SPOCK3: variants seen among roughly 807,000 people sequenced by gnomAD.
SPOCK3 encodes SPARC (osteonectin), cwcv and kazal like domains proteoglycan 3, also known as testican-3.
A neutral mutation model predicts 56.6 loss-of-function variants in SPOCK3; 30 were observed. That is an observed-to-expected ratio of 0.53 (90% CI 0.40 to 0.72). SPOCK3 has a LOEUF of 0.72. Among genes scored for constraint, SPOCK3 ranks in the 30% least tolerant of loss-of-function variants. SPOCK3 has a pLI of 0.00. For missense variants in SPOCK3, 527 were observed against 530.0 expected (o/e 0.99, Z 0.06); for synonymous variants, 196 against 183.3 (o/e 1.07, Z -0.56).
intron 2 of SPOCK3, among the ~76,000 whole-genome samples, chr4:167,109,228 A>C (rs1217144508): frequency 1.1e-5 from 1 of 87,666 alleles, no homozygotes; most frequent in East Asian, 3.5e-4. Context: ...ATAGTATATA[A>C]TATATATTTA....
At chr4:167,211,525 G>T (rs1289205194) in intron 2 of SPOCK3, among the ~76,000 whole-genome samples, 6 of 152,126 alleles carry the variant, frequency 3.9e-5, no homozygotes, top group African/African-American at 1.4e-4. Flanking sequence ...GACCCTCTAT[G>T]AGGTAATTGA....
chr4:166,766,490 T>G (rs2126539008), intron 7 of SPOCK3, among the ~76,000 whole-genome samples: 1 of 152,354 alleles, frequency 6.6e-6, no homozygotes, highest in Non-Finnish European at 1.5e-5. Context: ...TGGATTACAT[T>G]TAATGATTTG....
intron 2 of SPOCK3, among the ~76,000 whole-genome samples, chr4:167,113,084 GAGA>G (rs1761037607): frequency 6.6e-6 from 1 of 152,086 alleles, no homozygotes; most frequent in Non-Finnish European, 1.5e-5. Flanking sequence ...AACATGTCAA[GAGA>G]AGAAGTGCAA....
chr4:166,952,173 T>A (rs1347840254), intron 4 of SPOCK3, among the ~76,000 whole-genome samples: 1 of 152,138 alleles, frequency 6.6e-6, no homozygotes, highest in Non-Finnish European at 1.5e-5. Context: ...TGATTGTGTA[T>A]CTAGAAATCC....
intron 2 of SPOCK3, among the ~76,000 whole-genome samples, chr4:167,110,755 G>A (rs1760836373): frequency 6.6e-6 from 1 of 151,770 alleles, no homozygotes; most frequent in African/African-American, 2.4e-5. Context: ...CCAAATTCCA[G>A]GAAACTTTTA....
At chr4:167,140,786 C>T (rs1407145752) in intron 2 of SPOCK3, among the ~76,000 whole-genome samples, 2 of 151,930 alleles carry the variant, frequency 1.3e-5, no homozygotes, top group African/African-American at 4.8e-5. Flanking sequence ...GTTCTTTGGG[C>T]TTATTTATTT....
intron 2 of SPOCK3, among the ~76,000 whole-genome samples, chr4:167,197,159 T>C (rs2110893966): frequency 6.6e-6 from 1 of 152,284 alleles, no homozygotes; most frequent in South Asian, 2.1e-4. Flanking sequence ...CAACCTTGAA[T>C]TTCTAGCCTT....
chr4:166,853,945 A>G (rs1336308440), intron 6 of SPOCK3, among the ~76,000 whole-genome samples: 1 of 152,178 alleles, frequency 6.6e-6, no homozygotes, highest in Non-Finnish European at 1.5e-5. Flanking sequence ...TAACAAAATT[A>G]GCCAAAAACA....
intron 2 of SPOCK3, among the ~76,000 whole-genome samples, chr4:167,063,939 A>G (rs1002105426): frequency 3.3e-5 from 5 of 151,850 alleles, no homozygotes; most frequent in African/African-American, 9.7e-5. Context: ...TAATATATTT[A>G]CGGTTCTGAA....
At chr4:166,745,220 G>T (rs1735437808) in intron 8 of SPOCK3, among the ~76,000 whole-genome samples, 1 of 152,164 alleles carries the variant, frequency 6.6e-6, no homozygotes, top group East Asian at 1.9e-4. Context: ...AGGAAAAAAT[G>T]TTAAGGGCAG....
chr4:167,056,071 C>T (rs1754809211), intron 3 of SPOCK3, among the ~76,000 whole-genome samples: 1 of 152,162 alleles, frequency 6.6e-6, no homozygotes, highest in African/African-American at 2.4e-5. Context: ...GGCAGACTGA[C>T]ACCTCACATG....
chr4:166,764,636 G>C (rs1737730291), intron 7 of SPOCK3, among the ~76,000 whole-genome samples: 1 of 152,104 alleles, frequency 6.6e-6, no homozygotes, highest in Non-Finnish European at 1.5e-5. Context: ...TGTGAATAGT[G>C]CTGCAATAAA....
chr4:167,205,353 T>TATATTTTATAGATATA (rs1561321562), intron 2 of SPOCK3, among the ~76,000 whole-genome samples: 1 of 35,504 alleles, frequency 2.8e-5, no homozygotes, highest in African/African-American at 1.4e-4. Flanking sequence ...ATATATATAA[T>TATATTTTATAGATATA]ATATATATTA....
rs1733975933 is a variant in SPOCK3, at chr4:166,733,914, G to C, written c.*1007C>G. On this transcript the variant is annotated 3_prime_UTR_variant, in exon 11 of 11. Transcript: ENST00000357545. ...CGTAATATACTATATTGGTATGCAT[G>C]CTAAAATCTTTCTATCTCTATTTTT... 1 of 152,162 alleles carries C rather than the reference G, an allele frequency of 6.6e-6. No individual in the cohort carries two copies. Among genetic ancestry groups the C allele is most frequent in the Non-Finnish European group, 1.5e-5 (1 of 67,748 alleles). 9.4% of individuals were successfully genotyped at this position (152,162 alleles called of 1,614,324 possible). A position where few individuals can be genotyped will look rare whatever the true frequency, so the allele number is the denominator to read the frequency against.
At chr4:167,169,811 C>T (rs1448378852) in intron 2 of SPOCK3, among the ~76,000 whole-genome samples, 1 of 151,994 alleles carries the variant, frequency 6.6e-6, no homozygotes, top group Non-Finnish European at 1.5e-5. Context: ...CAAGGTGGAG[C>T]CAGGTGGCAA....
At chr4:166,809,286 G>C (rs774055736) in intron 6 of SPOCK3, among the ~76,000 whole-genome samples, 4 of 151,686 alleles carry the variant, frequency 2.6e-5, no homozygotes, top group Non-Finnish European at 5.9e-5. Context: ...TGTCAGTGTG[G>C]ACAGTTGGTC....
intron 6 of SPOCK3, among the ~76,000 whole-genome samples, chr4:166,862,803 T>G (rs946695198): frequency 2.0e-5 from 3 of 152,102 alleles, no homozygotes; most frequent in African/African-American, 7.2e-5. Context: ...ATAACTTTTA[T>G]GTTTACTCAT....
At chr4:167,034,729 T>C (rs923667978) in intron 3 of SPOCK3, among the ~76,000 whole-genome samples, 2 of 152,144 alleles carry the variant, frequency 1.3e-5, no homozygotes, top group Non-Finnish European at 2.9e-5. Flanking sequence ...GAAAAATCGT[T>C]GGAGGTTAAT....
chr4:166,832,717 C>A (rs1435784082), intron 6 of SPOCK3, among the ~76,000 whole-genome samples: 5 of 152,146 alleles, frequency 3.3e-5, no homozygotes, highest in Admixed American at 3.3e-4. Context: ...GAATACTATG[C>A]AGTCATGAAA....
Sources: gnomAD v4.1 joint callset for allele counts (sites outside exome capture counted in the v4.1 genomes callset) on GRCh38, gnomAD v4.1.1 for gene constraint, MANE v1.5 for transcripts, NCBI Gene and HGNC (gene_info 2026-07-23, HGNC 2026-07-21) for gene names.